The following PRKCE variants were observed in gnomAD, a reference collection of about 807,000 sequenced individuals.
The protein encoded by PRKCE is protein kinase C epsilon.
PRKCE carries 16 observed loss-of-function variants against 85.4 expected under a neutral mutation model. The observed-to-expected ratio is 0.19, with a 90% CI of 0.13 to 0.28. The LOEUF (loss-of-function observed/expected upper bound fraction) is 0.28, where lower values mean the gene tolerates loss of function less well. Among genes scored for constraint, PRKCE ranks in the 10% least tolerant of loss-of-function variants. The pLI, the probability that PRKCE is intolerant of heterozygous loss-of-function variation, is 1.00. For synonymous variants in PRKCE, 388 were observed against 371.5 expected (o/e 1.04, Z -0.51); for missense variants, 573 against 975.2 (o/e 0.59, Z 5.49).
At chr2:46,040,585 A>G (rs1708159971) in intron 10 of PRKCE, among the ~76,000 whole-genome samples, 1 of 152,186 alleles carries the variant, frequency 6.6e-6, no homozygotes, top group Admixed American at 6.5e-5. Context: ...ACTTAACAGG[A>G]TGTAGGGAGA....
chr2:45,777,030 T>C (rs1573312940), intron 1 of PRKCE, among the ~76,000 whole-genome samples: 1 of 152,124 alleles, frequency 6.6e-6, no homozygotes, highest in South Asian at 2.1e-4. Flanking sequence ...ACAGGCTGTG[T>C]GGGTCTTGGA....
chr2:46,001,187 C>G lies in PRKCE; in HGVS notation c.824-217C>G, dbSNP rs1219335686. Among the ~76,000 whole-genome samples, 3 of 151,514 alleles carry G rather than the reference C, an allele frequency of 2.0e-5. No homozygotes were observed. In the East Asian group the frequency reaches 5.8e-4, roughly 29 times the overall value. On this transcript the variant is annotated intron_variant, in intron 6 of 14. Transcript: ENST00000306156. The surrounding 1 kb of genome is among the most constrained non-coding windows in gnomAD (Gnocchi z 4.4). ...TAGAAAGGATGGCTGGAATGAAGTACTAGAAACAGTGGTTATCTCTGCAAG... is the reference window on the plus strand; with the variant it reads ...TAGAAAGGATGGCTGGAATGAAGTAGTAGAAACAGTGGTTATCTCTGCAAG...
intron 1 of PRKCE, among the ~76,000 whole-genome samples, chr2:45,755,228 G>A (rs150845664): frequency 5.9e-4 from 90 of 152,294 alleles, no homozygotes; most frequent in African/African-American, 1.9e-3. Flanking sequence ...GGGCTGGTGC[G>A]TAGTTCTTAC....
intron 2 of PRKCE, among the ~76,000 whole-genome samples, chr2:45,882,648 A>T (rs1256037048): frequency 1.3e-5 from 2 of 152,180 alleles, no homozygotes; most frequent in Middle Eastern, 3.2e-3. Context: ...TATTCAGAAA[A>T]TTGGCTTATT....
intron 1 of PRKCE, among the ~76,000 whole-genome samples, chr2:45,780,502 G>T (rs1443222056): frequency 1.3e-5 from 2 of 152,178 alleles, no homozygotes; most frequent in Non-Finnish European, 2.9e-5. Flanking sequence ...AGCTTCTTAG[G>T]CAGGAGAATG....
intron 11 of PRKCE, among the ~76,000 whole-genome samples, chr2:46,134,297 A>G (rs985736522): frequency 1.3e-5 from 2 of 152,090 alleles, no homozygotes; most frequent in Admixed American, 6.6e-5. Context: ...GAGGATAGAC[A>G]CTCATAGTGG....
intron 1 of PRKCE, among the ~76,000 whole-genome samples, chr2:45,782,256 C>G (rs1686247650): frequency 6.6e-6 from 1 of 152,156 alleles, no homozygotes; most frequent in Non-Finnish European, 1.5e-5. Context: ...AGCAAGTGCC[C>G]ATTTCCTGGG....
At chr2:45,987,920 T>C (rs2104621456) in intron 6 of PRKCE, among the ~76,000 whole-genome samples, 1 of 152,358 alleles carries the variant, frequency 6.6e-6, no homozygotes, top group East Asian at 1.9e-4. Context: ...AGGCAGGGGC[T>C]GCTTGTGCCC....
chr2:45,924,251 GA>G (rs1379385276), intron 2 of PRKCE, among the ~76,000 whole-genome samples: 1 of 152,202 alleles, frequency 6.6e-6, no homozygotes, highest in African/African-American at 2.4e-5. Context: ...ATCTTTATAA[GA>G]ATGGGAAAGA....
At chr2:45,840,453 G>T (rs1053479813) in intron 1 of PRKCE, 1 of 152,202 alleles carries the variant, frequency 6.6e-6, no homozygotes, top group African/African-American at 2.4e-5. Context: ...TAAAATCATG[G>T]ACTCTTGGGG....
rs1170110325 is a variant in PRKCE, at chr2:45,982,088, TGA to T, written c.693+1713_693+1714del. On this transcript the variant is annotated intron_variant, in intron 5 of 14. Transcript: ENST00000306156. ...CACCAAGGGACAAATTGCCAGGGAC[TGA>T]GAGAGGGAGGCTCTGGGTTTCTTAG... 2.6e-5 allele frequency among the ~76,000 whole-genome samples: 4 copies of T among 152,354 alleles called. No individual in the cohort carries two copies. The South Asian group carries it at 6.2e-4, about 24-fold the overall frequency.
At chr2:45,914,201 A>G (rs564580021) in intron 2 of PRKCE, among the ~76,000 whole-genome samples, 14 of 152,368 alleles carry the variant, frequency 9.2e-5, no homozygotes, top group Admixed American at 5.9e-4. Flanking sequence ...TATAATTAGG[A>G]AGATAAATTC....
intron 1 of PRKCE, among the ~76,000 whole-genome samples, chr2:45,768,022 G>A (rs1319240058): frequency 1.3e-5 from 2 of 152,218 alleles, no homozygotes; most frequent in African/African-American, 4.8e-5. Context: ...GCTATTCCTT[G>A]GCATTGGTGC....
At position 46,185,025 on chromosome 2, in the gene PRKCE, T is replaced by C; in HGVS notation, c.*144T>C. On this transcript the variant is annotated 3_prime_UTR_variant, in exon 15 of 15. Coordinates refer to ENST00000306156, the MANE Select transcript of PRKCE (RefSeq NM_005400.3). The surrounding 1 kb of genome is among the most constrained non-coding windows in gnomAD (Gnocchi z 4.7). ...TCCACTGTCTATTTATTGCATTCCC[T>C]TGCCCCAGGCCACCTCCTCCCCCTC... 1 of 1,179,118 alleles carries C rather than the reference T, an allele frequency of 8.5e-7. No homozygotes were observed. The highest frequency in any genetic ancestry group is 1.2e-6 in the Non-Finnish European group (1 of 851,898). 73.0% of individuals were successfully genotyped at this position (1,179,118 alleles called of 1,614,324 possible).
intron 2 of PRKCE, among the ~76,000 whole-genome samples, chr2:45,967,456 G>A (rs1030290173): frequency 5.3e-5 from 8 of 152,140 alleles, no homozygotes; most frequent in African/African-American, 1.4e-4. Flanking sequence ...AGGGAGAGAA[G>A]GGCAAACAGG....
intron 12 of PRKCE, among the ~76,000 whole-genome samples, chr2:46,150,259 C>G (rs186391428): frequency 6.6e-6 from 1 of 152,312 alleles, no homozygotes; most frequent in Non-Finnish European, 1.5e-5. Context: ...ATAGATAAGA[C>G]AAGTGACCAT....
chr2:46,076,892 A>T (rs1483264302), intron 10 of PRKCE, among the ~76,000 whole-genome samples: 1 of 152,208 alleles, frequency 6.6e-6, no homozygotes, highest in Non-Finnish European at 1.5e-5. Context: ...CCAGACACAG[A>T]AGGATAAATA....
chr2:45,888,161 G>A lies in PRKCE; in HGVS notation c.412+45098G>A, dbSNP rs374111442. On this transcript the variant is annotated intron_variant, in intron 2 of 14. Transcript: ENST00000306156. ...TGGATGATCCCAGATATAACAGATG[G>A]CAAAGAATTAAAAGTGGCAAAAGGC... 8.5e-5 allele frequency among the ~76,000 whole-genome samples: 13 copies of A among 152,294 alleles called. No individual in the cohort carries two copies. The South Asian group carries it at 2.7e-3, about 32-fold the overall frequency.
chr2:45,969,243 C>T (rs1323429568), intron 2 of PRKCE, among the ~76,000 whole-genome samples: 2 of 151,820 alleles, frequency 1.3e-5, no homozygotes, highest in African/African-American at 4.8e-5. Context: ...TCTCCATTTC[C>T]ATAGAGAGTT....
Sources: allele counts gnomAD v4.1 joint callset (sites outside exome capture counted in the v4.1 genomes callset), GRCh38; gene constraint gnomAD v4.1.1; non-coding constraint Gnocchi (gnomAD v3.1); transcripts MANE v1.5; gene names NCBI Gene and HGNC (gene_info 2026-07-23, HGNC 2026-07-21).